Variants in CPLX2 observed in about 807,000 individuals in gnomAD.
CPLX2 encodes complexin-2.
Under a neutral mutation model 16.3 loss-of-function variants are expected in CPLX2, and 5 were observed. The observed-to-expected ratio is 0.31, with a 90% CI of 0.16 to 0.64. The LOEUF (loss-of-function observed/expected upper bound fraction) is 0.64, where lower values mean the gene tolerates loss of function less well. CPLX2 is among the 30% of genes least tolerant of loss of function. The probability of loss-of-function intolerance (pLI) is 0.79; values close to 1 mark genes in which losing one functional copy is unlikely to be tolerated. For synonymous variants in CPLX2, 89 were observed against 73.2 expected (o/e 1.22, Z -1.10); for missense variants, 144 against 181.4 (o/e 0.79, Z 1.18).
At chr5:175,804,107 C>T (rs1485088223) in intron 1 of CPLX2, among the ~76,000 whole-genome samples, 3 of 151,900 alleles carry the variant, frequency 2.0e-5, no homozygotes, top group East Asian at 3.9e-4. Context: ...GCAAAAAAAC[C>T]GTGATGAATA....
chr5:175,816,388 G>C (rs1165941252), intron 2 of CPLX2, among the ~76,000 whole-genome samples: 1 of 152,098 alleles, frequency 6.6e-6, no homozygotes, highest in East Asian at 1.9e-4. Flanking sequence ...GGATGGTCTT[G>C]ATCTCCTGAC....
intron 2 of CPLX2, among the ~76,000 whole-genome samples, chr5:175,814,613 AG>A (rs1374809112): frequency 6.6e-6 from 1 of 152,172 alleles, no homozygotes; most frequent in Non-Finnish European, 1.5e-5. Context: ...GGTGTGAATT[AG>A]GGTACACTGA....
chr5:175,880,183 C>T lies in CPLX2; in HGVS notation c.*138C>T. ...GCCCCTCTTCCCTGGCCAGGGGCTT[C>T]TCCCCCTCAGCTCTCCCTCACACCT... On this transcript the variant is annotated 3_prime_UTR_variant, in exon 4 of 4. Coordinates refer to ENST00000393745, the MANE Select transcript of CPLX2 (RefSeq NM_001008220.2). 1 of 888,640 alleles carries T rather than the reference C, an allele frequency of 1.1e-6. No homozygotes were observed. Among genetic ancestry groups the T allele is most frequent in the Non-Finnish European group, 1.8e-6 (1 of 542,650 alleles). The allele number at this position is 888,640 out of a possible 1,614,324, so 55.0% of individuals were successfully genotyped here. A position where few individuals can be genotyped will look rare whatever the true frequency, so the allele number is the denominator to read the frequency against.
rs753000048 is a variant in CPLX2 at position 175,879,931 on chromosome 5, C to A, written c.291C>A (p.Pro97=). ...EQPCEGSLTR[P]KKAIPAGCGD... ...CCTGCGAGGGGAGCCTGACCCGGCCCAAGAAGGCCATCCCTGCGGGCTGCG... is the reference window on the plus strand; with the variant it reads ...CCTGCGAGGGGAGCCTGACCCGGCCAAAGAAGGCCATCCCTGCGGGCTGCG... Residue 97 remains proline, a synonymous_variant, in exon 4 of 4, where the codon CCC becomes CCA. Coordinates refer to ENST00000393745, the MANE Select transcript of CPLX2 (RefSeq NM_001008220.2). 4 of 1,613,930 alleles carry A rather than the reference C, an allele frequency of 2.5e-6. No individual in the cohort carries two copies. The Admixed American group carries it at 6.7e-5, about 27-fold the overall frequency.
rs1755624497 is a variant in CPLX2, at chr5:175,882,013, A to G, written c.*1968A>G. ...ACTGCAATACTTTAAACACGAGACA[A>G]AACAATCCATATGTTTAGGGAACCA... On this transcript the variant is annotated 3_prime_UTR_variant, in exon 4 of 4. Coordinates refer to ENST00000393745, the MANE Select transcript of CPLX2 (RefSeq NM_001008220.2). The G allele has an allele frequency of 6.5e-6, 1 of 152,694 alleles. No homozygotes were observed. The highest frequency in any genetic ancestry group is 2.4e-5 in the African/African-American group (1 of 41,466). The allele number at this position is 152,694 out of a possible 1,614,324, so 9.5% of individuals were successfully genotyped here.
intron 2 of CPLX2, among the ~76,000 whole-genome samples, chr5:175,841,940 T>C (rs1758951662): frequency 6.6e-6 from 1 of 152,234 alleles, no homozygotes; most frequent in African/African-American, 2.4e-5. Context: ...GATTACCTTT[T>C]CTTGGACCCC....
At chr5:175,854,284 A>G (rs377345455) in intron 2 of CPLX2, among the ~76,000 whole-genome samples, 33 of 152,144 alleles carry the variant, frequency 2.2e-4, no homozygotes, top group African/African-American at 7.5e-4. Flanking sequence ...TTGCTGGATC[A>G]ATCTTAAAGC....
rs75533642 is a variant in CPLX2, at chr5:175,866,462, A to T, written c.-88-12190A>T. 2.9e-3 allele frequency among the ~76,000 whole-genome samples: 438 copies of T among 152,358 alleles called. 18 individuals carry two copies. The East Asian group carries it at 0.077, about 27-fold the overall frequency. On this transcript the variant is annotated intron_variant, in intron 2 of 4. Coordinates refer to the CPLX2 transcript ENST00000359546. ...GGAGACTGCAGACTGATTTGCAGAC[A>T]TGAAAATGCAAGGTTTCAGGAAAGC...
intron 2 of CPLX2, among the ~76,000 whole-genome samples, chr5:175,852,202 C>A (rs1020331272): frequency 2.6e-5 from 4 of 152,174 alleles, no homozygotes; most frequent in African/African-American, 4.8e-5. Context: ...CAGGTGGTTA[C>A]GAATAATAAA....
At chr5:175,828,919 TC>T (rs1457332282) in intron 2 of CPLX2, among the ~76,000 whole-genome samples, 1 of 151,912 alleles carries the variant, frequency 6.6e-6, no homozygotes, top group Non-Finnish European at 1.5e-5. Flanking sequence ...GGGGGATGCC[TC>T]CCCCATCTGA....
chr5:175,848,133 C>G (rs1168084900), intron 2 of CPLX2, among the ~76,000 whole-genome samples: 1 of 152,180 alleles, frequency 6.6e-6, no homozygotes, highest in East Asian at 1.9e-4. Flanking sequence ...CCAGGAAACT[C>G]CTAGAAGTCT....
chr5:175,820,344 C>T lies in CPLX2; in HGVS notation c.-89+11276C>T, dbSNP rs546400525. Among the ~76,000 whole-genome samples the T allele has an allele frequency of 6.6e-5, 10 of 152,324 alleles. No homozygotes were observed. The South Asian group carries it at 1.7e-3, about 25-fold the overall frequency. ...CTTCCCCCGACACTTCTGTGACTAG[C>T]GGGGCTCCGTGTTCTGCCCAGGCCC... On this transcript the variant is annotated intron_variant, in intron 2 of 4. Transcript: ENST00000359546.
intron 2 of CPLX2, among the ~76,000 whole-genome samples, chr5:175,832,820 A>C (rs1360343228): frequency 6.6e-6 from 1 of 152,154 alleles, no homozygotes; most frequent in African/African-American, 2.4e-5. Context: ...CCCACACATG[A>C]AGCCCTTAGC....
At chr5:175,835,409 C>T (rs1315795956) in intron 2 of CPLX2, among the ~76,000 whole-genome samples, 1 of 152,128 alleles carries the variant, frequency 6.6e-6, no homozygotes, top group African/African-American at 2.4e-5. Context: ...CAATTCTACA[C>T]AAAATATTTC....
At chr5:175,840,790 CA>C (rs2113668286) in intron 2 of CPLX2, among the ~76,000 whole-genome samples, 1 of 152,344 alleles carries the variant, frequency 6.6e-6, no homozygotes, top group East Asian at 1.9e-4. Flanking sequence ...GCAAAAATGT[CA>C]AGGAAACATC....
At chr5:175,862,189 G>A (rs1759385612) in intron 2 of CPLX2, among the ~76,000 whole-genome samples, 1 of 152,184 alleles carries the variant, frequency 6.6e-6, no homozygotes, top group South Asian at 2.1e-4. Context: ...TACAGTAGAT[G>A]CTCAGTATGT....
At position 175,879,865 on chromosome 5, in the gene CPLX2, G is replaced by A. The variant is rs1242131985; in HGVS notation, c.225G>A (p.Lys75=). The A allele has an allele frequency of 5.6e-6, 9 of 1,612,082 alleles. No individual in the cohort carries two copies. Among genetic ancestry groups the A allele is most frequent in the South Asian group, 1.1e-5 (1 of 90,686 alleles). The stretch of plus-strand genomic sequence containing the variant: ...CTCCCCAGTATGGGCTGAAGAAGAA[G>A]GAGGAGAAGGAAGCAGAGGAGAAAG... The part of the protein sequence containing the change: ...QIRDKYGLKK[K]EEKEAEEKAA... The change falls in exon 4 of 4, where the codon AAG becomes AAA. Residue 75 remains lysine, a synonymous_variant. Coordinates refer to ENST00000393745, the MANE Select transcript of CPLX2 (RefSeq NM_001008220.2).
At chr5:175,862,867 A>G (rs747926931) in intron 2 of CPLX2, among the ~76,000 whole-genome samples, 20 of 152,174 alleles carry the variant, frequency 1.3e-4, no homozygotes, top group African/African-American at 3.6e-4. Flanking sequence ...CATGGGTCCA[A>G]ATGAAATACA....
At chr5:175,856,360 C>A (rs1462271058) in intron 2 of CPLX2, among the ~76,000 whole-genome samples, 1 of 152,096 alleles carries the variant, frequency 6.6e-6, no homozygotes, top group African/African-American at 2.4e-5. Flanking sequence ...GTTTTTGTAC[C>A]CCTGCACTTC....
Sources: allele counts gnomAD v4.1 joint callset (sites outside exome capture counted in the v4.1 genomes callset), GRCh38; gene constraint gnomAD v4.1.1; transcripts MANE v1.5; gene names NCBI Gene and HGNC (gene_info 2026-07-23, HGNC 2026-07-21).